CSNK1G3: variants seen among roughly 807,000 people sequenced by gnomAD.
The protein encoded by CSNK1G3 is casein kinase I isoform gamma-3.
Under a neutral mutation model 64.3 loss-of-function variants are expected in CSNK1G3, and 23 were observed. That is an observed-to-expected ratio of 0.36 (90% CI 0.26 to 0.51). The LOEUF is 0.51. Ranked by LOEUF, CSNK1G3 falls within the 20% of genes least tolerant of loss-of-function variation. The pLI, the probability that CSNK1G3 is intolerant of heterozygous loss-of-function variation, is 0.96. For missense variants in CSNK1G3, 357 were observed against 510.5 expected (o/e 0.70, Z 2.90); for synonymous variants, 158 against 162.2 (o/e 0.97, Z 0.20).
intron 3 of CSNK1G3, among the ~76,000 whole-genome samples, chr5:123,554,603 A>C (rs918609853): frequency 1.3e-5 from 2 of 152,228 alleles, no homozygotes; most frequent in Non-Finnish European, 2.9e-5. Context: ...CTGGGATTAC[A>C]GGCGTGAGCC....
intron 2 of CSNK1G3, among the ~76,000 whole-genome samples, chr5:123,550,524 G>A (rs552610109): frequency 7.2e-5 from 11 of 152,290 alleles, no homozygotes; most frequent in African/African-American, 2.4e-4. Context: ...GGGGGAGAAT[G>A]GCTATTGGTG....
intron 1 of CSNK1G3, among the ~76,000 whole-genome samples, chr5:123,529,106 C>T (rs552687892): frequency 3.0e-4 from 46 of 152,200 alleles, no homozygotes; most frequent in African/African-American, 9.2e-4. Context: ...GTGTGATAAG[C>T]CTTATGGAAA....
intron 10 of CSNK1G3, among the ~76,000 whole-genome samples, chr5:123,603,526 C>T (rs919961117): frequency 6.6e-6 from 1 of 151,878 alleles, no homozygotes; most frequent in African/African-American, 2.4e-5. Context: ...GGATGGATGT[C>T]AAGAAACACA....
intron 6 of CSNK1G3, among the ~76,000 whole-genome samples, chr5:123,582,767 C>CT (rs1197389563): frequency 6.6e-6 from 1 of 152,010 alleles, no homozygotes; most frequent in Non-Finnish European, 1.5e-5. Flanking sequence ...TGTTGGGAGA[C>CT]TTTTTTCATG....
chr5:123,549,666 T>C (rs1783264699), intron 2 of CSNK1G3, among the ~76,000 whole-genome samples: 1 of 152,142 alleles, frequency 6.6e-6, no homozygotes, highest in Non-Finnish European at 1.5e-5. Flanking sequence ...TTGCTCTTGT[T>C]TTTCTGCCAC....
At chr5:123,558,221 G>T (rs1296964138) in intron 4 of CSNK1G3, among the ~76,000 whole-genome samples, 1 of 152,210 alleles carries the variant, frequency 6.6e-6, no homozygotes, top group East Asian at 1.9e-4. Context: ...TTCTGTTGTT[G>T]TAAGCCACCA....
intron 4 of CSNK1G3, among the ~76,000 whole-genome samples, chr5:123,565,217 G>A (rs1209170329): frequency 6.6e-6 from 1 of 152,014 alleles, no homozygotes; most frequent in Non-Finnish European, 1.5e-5. Flanking sequence ...TTAATACATT[G>A]TGATAACACA....
At chr5:123,589,330 T>C (rs1791919239) in intron 8 of CSNK1G3, among the ~76,000 whole-genome samples, 1 of 152,188 alleles carries the variant, frequency 6.6e-6, no homozygotes, top group South Asian at 2.1e-4. Flanking sequence ...CCTTTCTTGC[T>C]ATAATATCTA....
chr5:123,553,852 C>T (rs551018177), intron 3 of CSNK1G3, among the ~76,000 whole-genome samples: 241 of 152,262 alleles, frequency 1.6e-3, no homozygotes, highest in African/African-American at 5.3e-3. Flanking sequence ...TCCTTAGGTC[C>T]TATTGTTTAT....
At chr5:123,612,713 T>C (rs867798446) in intron 12 of CSNK1G3, among the ~76,000 whole-genome samples, 2 of 152,178 alleles carry the variant, frequency 1.3e-5, no homozygotes, top group Non-Finnish European at 2.9e-5. Flanking sequence ...CCTGACCTTG[T>C]GATCTGCCCA....
chr5:123,545,617 T>G (rs1782394613), exon 2 of CSNK1G3: 4 of 1,525,276 alleles, frequency 2.6e-6, no homozygotes, highest in Non-Finnish European at 3.6e-6. Context: ...TGTTTCAGTG[T>G]GCTTGTCTTG....
At chr5:123,574,864 C>G (rs1234845567) in intron 5 of CSNK1G3, among the ~76,000 whole-genome samples, 1 of 151,910 alleles carries the variant, frequency 6.6e-6, no homozygotes, top group East Asian at 1.9e-4. Flanking sequence ...ACCAACTGCC[C>G]CCAAACAAAA....
At chr5:123,616,243 T>C (rs1749430548) in exon 13 of CSNK1G3, 1 of 152,614 alleles carries the variant, frequency 6.6e-6, no homozygotes, top group Non-Finnish European at 1.5e-5. Flanking sequence ...TAGATAAACA[T>C]TTTGGCCATT....
At chr5:123,608,986 C>T (rs1188760291) in intron 12 of CSNK1G3, among the ~76,000 whole-genome samples, 7 of 152,060 alleles carry the variant, frequency 4.6e-5, no homozygotes, top group Non-Finnish European at 8.8e-5. Flanking sequence ...GATGCATTTA[C>T]ACTAGTTCTC....
intron 1 of CSNK1G3, among the ~76,000 whole-genome samples, chr5:123,512,963 C>T (rs931500873): frequency 6.6e-6 from 1 of 151,968 alleles, no homozygotes; most frequent in Non-Finnish European, 1.5e-5. Flanking sequence ...GCCCACGGTG[C>T]TCCTTGACTG....
intron 4 of CSNK1G3, among the ~76,000 whole-genome samples, chr5:123,572,698 A>C (rs1317113908): frequency 6.6e-6 from 1 of 152,122 alleles, no homozygotes; most frequent in Non-Finnish European, 1.5e-5. Flanking sequence ...GGCTCCCTCC[A>C]CTGCATGGTG....
At chr5:123,553,634 TGTG>T (rs1321629215) in intron 3 of CSNK1G3, among the ~76,000 whole-genome samples, 1 of 152,200 alleles carries the variant, frequency 6.6e-6, no homozygotes, top group Non-Finnish European at 1.5e-5. Flanking sequence ...AAATGCTTGA[TGTG>T]GTAGGTGATA....
exon 13 of CSNK1G3, chr5:123,615,921 T>G (rs1749371700): frequency 6.6e-6 from 1 of 152,216 alleles, no homozygotes; most frequent in South Asian, 2.1e-4. Context: ...CTACATTTTT[T>G]TACTTCATTA....
At position 123,602,347 on chromosome 5, in the gene CSNK1G3, T is replaced by G. The variant is rs114410722; in HGVS notation, c.1087-2377T>G. On this transcript the variant is annotated intron_variant, in intron 10 of 12. Coordinates refer to ENST00000345990, the Ensembl canonical transcript of CSNK1G3. ...TCCTTGGAGTTGGAGAGGGTCCTGT[T>G]TCTCTACACTAAAGTGTCAGATCTA... is the stretch of plus-strand genomic sequence containing the variant. Among the ~76,000 whole-genome samples, 280 of 152,288 alleles carry G rather than the reference T, an allele frequency of 1.8e-3. 3 individuals are homozygous for G. The highest frequency in any genetic ancestry group is 6.5e-3 in the African/African-American group (269 of 41,566).
Sources: allele counts gnomAD v4.1 joint callset (sites outside exome capture counted in the v4.1 genomes callset), GRCh38; gene constraint gnomAD v4.1.1; transcripts MANE v1.5; gene names NCBI Gene and HGNC (gene_info 2026-07-23, HGNC 2026-07-21).